Variants in ELMOD3 observed in about 807,000 individuals in gnomAD.
ELMOD3 encodes ELMO domain containing 3, also known as ELMO domain-containing protein 3.
ELMOD3 carries 36 observed loss-of-function variants against 47.4 expected under a neutral mutation model. The ratio of observed to expected loss-of-function variants is 0.76; its 90% CI spans 0.58 to 1.00. ELMOD3 has a LOEUF of 1.00. Among genes scored for constraint, ELMOD3 ranks in the 50% least tolerant of loss-of-function variants. The pLI is 0.00. For synonymous variants in ELMOD3, 149 were observed against 183.5 expected (o/e 0.81, Z 1.52); for missense variants, 404 against 463.8 (o/e 0.87, Z 1.18).
At chr2:85,369,936 G>C (rs1684672544) in intron 8 of ELMOD3, 106 bp downstream of exon 8, 1 of 1,391,102 alleles carries the variant, frequency 7.2e-7, no homozygotes, top group East Asian at 2.4e-5. Context: ...TCTCCCCTAA[G>C]ATCTTGGTGC....
chr2:85,364,770 A>G (rs1684232854), intron 6 of ELMOD3, among the ~76,000 whole-genome samples: 1 of 146,084 alleles, frequency 6.8e-6, no homozygotes, highest in Non-Finnish European at 1.5e-5. Context: ...TGACAAACCC[A>G]GCATTAATAC....
intron 8 of ELMOD3, 41 bp from the exon 9 acceptor site, chr2:85,371,045 T>G: frequency 6.2e-7 from 1 of 1,602,154 alleles, no homozygotes; most frequent in Non-Finnish European, 8.5e-7. Flanking sequence ...TTAAGGGAAA[T>G]GAACCAGCAT....
chr2:85,369,967 G>C (rs1156357932), intron 8 of ELMOD3, 137 bp downstream of exon 8: 2 of 1,067,008 alleles, frequency 1.9e-6, no homozygotes, highest in Admixed American at 5.7e-5. Context: ...GGGTGGCCTA[G>C]GACCCATGCT....
chr2:85,390,375 C>CT (rs764130954), intron 13 of ELMOD3, 110 bp downstream of exon 13: 1 of 1,614,068 alleles, frequency 6.2e-7, no homozygotes, highest in Non-Finnish European at 8.5e-7. Flanking sequence ...CCCATCCACA[C>CT]TTTCTCAAAT....
Position 85,376,751 on chromosome 2 carries a change from T to C in ELMOD3, c.608-593T>C, listed in dbSNP as rs1685191105. 6.6e-6 allele frequency: 1 copy of C among 152,168 alleles called. No homozygotes were observed. The highest frequency in any genetic ancestry group is 2.4e-5 in the African/African-American group (1 of 41,414). 9.4% of individuals were successfully genotyped at this position (152,168 alleles called of 1,614,324 possible). A position where few individuals can be genotyped will look rare whatever the true frequency, so the allele number is the denominator to read the frequency against. Reference sequence around the variant, plus strand: ...GCTAAAGCCTTCTGTCTTGCTACACTGCCTCTTTCCCCACCCTTTGGCTAG... The same window carrying C: ...GCTAAAGCCTTCTGTCTTGCTACACCGCCTCTTTCCCCACCCTTTGGCTAG... On this transcript the variant is annotated intron_variant, in intron 10 of 13. Coordinates refer to ENST00000409013, the MANE Select transcript of ELMOD3 (RefSeq NM_001135022.2). This position sits in a 1 kb window ranked among gnomAD's most constrained non-coding sequence, Gnocchi z 4.2.
At chr2:85,368,934 A>G (rs978170153) in intron 7 of ELMOD3, among the ~76,000 whole-genome samples, 180 bp downstream of exon 7, 1 of 152,216 alleles carries the variant, frequency 6.6e-6, no homozygotes, top group Non-Finnish European at 1.5e-5. Flanking sequence ...ATGACATCCT[A>G]CCTCTGGAGG....
intron 10 of ELMOD3, among the ~76,000 whole-genome samples, chr2:85,375,068 G>A (rs1170550980): frequency 6.6e-6 from 1 of 151,764 alleles, no homozygotes; most frequent in Non-Finnish European, 1.5e-5. Flanking sequence ...GGGCGACAGA[G>A]CGAGATTCCA....
chr2:85,364,439 C>A (rs1684204689), intron 6 of ELMOD3, among the ~76,000 whole-genome samples: 1 of 151,982 alleles, frequency 6.6e-6, no homozygotes, highest in Non-Finnish European at 1.5e-5. Flanking sequence ...CAAAAATTAG[C>A]TGGGCATGGT....
At chr2:85,389,658 G>C (rs750568101) in intron 11 of ELMOD3, 93 bp from the exon 12 acceptor site, 3 of 951,550 alleles carry the variant, frequency 3.2e-6, no homozygotes, top group Non-Finnish European at 5.1e-6. Flanking sequence ...TGCCTCTGGG[G>C]CTGTGCTTGC....
intron 10 of ELMOD3, chr2:85,372,397 C>T (rs536568821): frequency 6.6e-6 from 1 of 152,028 alleles, no homozygotes; most frequent in Non-Finnish European, 1.5e-5. Context: ...GGAAAGATCA[C>T]TTGGTGGTCT....
chr2:85,382,582 C>T (rs1219871715), intron 11 of ELMOD3, among the ~76,000 whole-genome samples: 3 of 148,848 alleles, frequency 2.0e-5, no homozygotes, highest in Non-Finnish European at 4.4e-5. Flanking sequence ...GTGGCGCAAT[C>T]TTGGCTCACT....
At chr2:85,377,110 C>T (rs1558709243) in intron 10 of ELMOD3, among the ~76,000 whole-genome samples, 2 of 152,238 alleles carry the variant, frequency 1.3e-5, no homozygotes, top group Non-Finnish European at 2.9e-5. Context: ...GGGTCATAGG[C>T]AGCAGCAAGA....
Position 85,371,679 on chromosome 2 carries a change from G to A in ELMOD3, c.607+117G>A, listed in dbSNP as rs929191815. On this transcript the variant is annotated intron_variant, in intron 10 of 13. Transcript: ENST00000409013. ...GGGGAAGATCTTGGGGGAGTATTCC[G>A]GGAAGAGGGTGCAGCAAATGCAAAA... The A allele has an allele frequency of 3.0e-5, 43 of 1,454,280 alleles. 1 individual carries two copies. The highest frequency in any genetic ancestry group is 2.0e-4 in the South Asian group (15 of 75,630). 90.1% of individuals were successfully genotyped at this position (1,454,280 alleles called of 1,614,324 possible). A position where few individuals can be genotyped will look rare whatever the true frequency, so the allele number is the denominator to read the frequency against.
chr2:85,366,555 G>A (rs1006332881), intron 6 of ELMOD3, among the ~76,000 whole-genome samples: 4 of 152,086 alleles, frequency 2.6e-5, no homozygotes, highest in African/African-American at 7.2e-5. Context: ...TTTGGGCCAC[G>A]TGCTCTCCTA....
chr2:85,359,387 CAG>C (rs1049168900), intron 4 of ELMOD3, among the ~76,000 whole-genome samples: 3 of 148,640 alleles, frequency 2.0e-5, no homozygotes, highest in Non-Finnish European at 3.0e-5. Context: ...TAATGAAACA[CAG>C]TAGTTTTACA....
intron 4 of ELMOD3, among the ~76,000 whole-genome samples, chr2:85,361,826 A>G (rs1045717762): frequency 1.3e-5 from 2 of 152,054 alleles, no homozygotes; most frequent in African/African-American, 4.8e-5. Flanking sequence ...AGCTACTCGG[A>G]AGGCTGAGGC....
chr2:85,390,328 A>C lies in ELMOD3; in HGVS notation c.943+63A>C, dbSNP rs1394532600. 2.5e-6 allele frequency: 4 copies of C among 1,614,084 alleles called. No individual in the cohort carries two copies. Among genetic ancestry groups the C allele is most frequent in the Non-Finnish European group, 2.5e-6 (3 of 1,180,008 alleles). On this transcript the variant is annotated intron_variant, in intron 13 of 13. Transcript: ENST00000409013. The stretch of plus-strand genomic sequence containing the variant: ...ACAGTGTCCCAGGTCCAGAGAGCCC[A>C]AGGTGGTTGCTAGACTGGTTTTGGC...
intron 6 of ELMOD3, among the ~76,000 whole-genome samples, chr2:85,365,084 C>T (rs1267729035): frequency 1.4e-5 from 2 of 147,482 alleles, no homozygotes; most frequent in African/African-American, 5.0e-5. Flanking sequence ...GCTGGGATTA[C>T]AGGCATGGTG....
chr2:85,377,034 G>A (rs56404669), intron 10 of ELMOD3: 1 of 189,292 alleles, frequency 5.3e-6, no homozygotes, highest in Non-Finnish European at 1.1e-5. Flanking sequence ...TCTTGTTCCA[G>A]AACTGTAAAT....
Sources: gnomAD v4.1 joint callset for allele counts (sites outside exome capture counted in the v4.1 genomes callset) on GRCh38, gnomAD v4.1.1 for gene constraint, Gnocchi (gnomAD v3.1) non-coding constraint, MANE v1.5 for transcripts, NCBI Gene and HGNC (gene_info 2026-07-23, HGNC 2026-07-21) for gene names.